CACNA2D1: variants seen among roughly 807,000 people sequenced by gnomAD.
CACNA2D1 encodes the protein voltage-dependent calcium channel subunit alpha-2/delta-1.
In CACNA2D1, 53 loss-of-function variants were observed where a neutral mutation model predicts 171.5. The observed-to-expected ratio is 0.31, with a 90% CI of 0.25 to 0.39. The LOEUF is 0.39. Among genes scored for constraint, CACNA2D1 ranks in the 10% least tolerant of loss-of-function variants. CACNA2D1 has a pLI of 1.00. For missense variants in CACNA2D1, 903 were observed against 1,299.8 expected, an observed-to-expected ratio of 0.69 and a Z score of 4.69; for synonymous variants, 442 against 443.1, an observed-to-expected ratio of 1.00 and a Z score of 0.03.
chr7:82,352,428 T>C (rs1819952031), intron 1 of CACNA2D1, among the ~76,000 whole-genome samples: 1 of 152,188 alleles, frequency 6.6e-6, no homozygotes, highest in African/African-American at 2.4e-5. Flanking sequence ...ATTAAATTTA[T>C]CCAGAAGACA....
intron 3 of CACNA2D1, among the ~76,000 whole-genome samples, chr7:82,197,339 T>C (rs6964888): frequency 0.079 from 12,066 of 152,084 alleles, 1,062 homozygotes; most frequent in East Asian, 0.21. Context: ...TCTGATGTTT[T>C]AAGCACTCCA....
chr7:82,060,301 TAAGATAGTC>T (rs1440025162), intron 10 of CACNA2D1, 118 bp downstream of exon 10: 76 of 569,646 alleles, frequency 1.3e-4, no homozygotes, highest in Non-Finnish European at 2.1e-4. Context: ...GACAGGTCAG[TAAGATAGTC>T]TTGCAATATA....
chr7:82,017,763 A>T (rs1046071946), intron 12 of CACNA2D1, among the ~76,000 whole-genome samples: 1 of 152,152 alleles, frequency 6.6e-6, no homozygotes, highest in Admixed American at 6.6e-5. Flanking sequence ...TTTTAAGCAC[A>T]TTTGCATGAT....
chr7:82,042,419 A>C (rs1258546224), intron 10 of CACNA2D1, among the ~76,000 whole-genome samples: 2 of 152,198 alleles, frequency 1.3e-5, no homozygotes, highest in Non-Finnish European at 2.9e-5. Flanking sequence ...GCGAGTGAAA[A>C]GAGATTGAAG....
intron 3 of CACNA2D1, among the ~76,000 whole-genome samples, chr7:82,286,455 T>C (rs1476909771): frequency 6.6e-6 from 1 of 152,200 alleles, no homozygotes; most frequent in Non-Finnish European, 1.5e-5. Flanking sequence ...TTAAAACTCA[T>C]TGAAATGGAC....
chr7:82,429,553 C>T (rs993559507), intron 1 of CACNA2D1, among the ~76,000 whole-genome samples: 1 of 152,124 alleles, frequency 6.6e-6, no homozygotes, highest in African/African-American at 2.4e-5. Context: ...TCAAATGGCT[C>T]CTCTGTCACA....
At chr7:82,195,678 C>G (rs1798781430) in intron 3 of CACNA2D1, among the ~76,000 whole-genome samples, 1 of 148,396 alleles carries the variant, frequency 6.7e-6, no homozygotes, top group East Asian at 2.1e-4. Context: ...AAAAAACCCT[C>G]TGGCCTAACA....
chr7:82,145,501 A>T (rs1792907003), intron 4 of CACNA2D1, among the ~76,000 whole-genome samples: 1 of 144,178 alleles, frequency 6.9e-6, no homozygotes, highest in Non-Finnish European at 1.5e-5. Context: ...TAGATACAGA[A>T]TGTGTGTATG....
chr7:81,978,580 G>T (rs898647793), intron 24 of CACNA2D1, among the ~76,000 whole-genome samples: 4 of 151,774 alleles, frequency 2.6e-5, no homozygotes, highest in African/African-American at 9.7e-5. Flanking sequence ...GGGCCTGTTG[G>T]GGGGCAAGGG....
At chr7:82,291,683 T>G (rs955545570) in intron 3 of CACNA2D1, among the ~76,000 whole-genome samples, 1 of 148,920 alleles carries the variant, frequency 6.7e-6, no homozygotes, top group African/African-American at 2.5e-5. Context: ...TTTTTTTCTT[T>G]TTGTAGAGAC....
rs1364609504 is a variant in CACNA2D1, at chr7:81,946,699, T to C, written c.*3693A>G. ...AATAAAAGTATTCCTAAAAGCATGA[T>C]CCGACACTCATACAACACAACAAAA... On this transcript the variant is annotated 3_prime_UTR_variant, in exon 39 of 39. Transcript: ENST00000356860. 1 of 152,064 alleles carries C rather than the reference T, an allele frequency of 6.6e-6. No individual in the cohort carries two copies. The highest frequency in any genetic ancestry group is 1.9e-4 in the East Asian group (1 of 5,180). 9.4% of individuals were successfully genotyped at this position (152,064 alleles called of 1,614,324 possible).
Position 82,263,102 on chromosome 7 carries a change from C to CTTTTTTTT in CACNA2D1, c.294+72025_294+72032dup, listed in dbSNP as rs759968270. Among the ~76,000 whole-genome samples, 5 of 107,992 alleles carry CTTTTTTTT rather than the reference C, an allele frequency of 4.6e-5. 1 individual carries two copies. The highest frequency in any genetic ancestry group is 5.3e-5 in the Non-Finnish European group (3 of 56,248). 70.8% of individuals were successfully genotyped at this position (107,992 alleles called of 152,430 possible). A position where few individuals can be genotyped will look rare whatever the true frequency, so the allele number is the denominator to read the frequency against. ...AAGGCTCCTATGTCACATAACACCA[C>CTTTTTTTT]TTTTTTTTTTTTTTTTTTTTGAGAC... On this transcript the variant is annotated intron_variant, in intron 3 of 38. Coordinates refer to ENST00000356860, the MANE Select transcript of CACNA2D1 (RefSeq NM_000722.4).
chr7:82,237,350 T>C (rs921362872), intron 3 of CACNA2D1, among the ~76,000 whole-genome samples: 2 of 151,952 alleles, frequency 1.3e-5, no homozygotes, highest in Admixed American at 6.6e-5. Context: ...AAATTTTTAC[T>C]GAACATAAGG....
chr7:82,150,907 T>C (rs1793790116), intron 4 of CACNA2D1, among the ~76,000 whole-genome samples: 1 of 152,126 alleles, frequency 6.6e-6, no homozygotes, highest in South Asian at 2.1e-4. Context: ...TTGAATAATA[T>C]ATAATTGCTT....
chr7:82,088,938 G>A (rs529266085), intron 6 of CACNA2D1, among the ~76,000 whole-genome samples: 6 of 151,644 alleles, frequency 4.0e-5, no homozygotes, highest in South Asian at 2.1e-4. Flanking sequence ...CCTAGATCAC[G>A]CACATGTGCC....
intron 11 of CACNA2D1, among the ~76,000 whole-genome samples, chr7:82,037,723 T>C (rs1264158330): frequency 1.3e-5 from 2 of 152,178 alleles, no homozygotes; most frequent in Non-Finnish European, 2.9e-5. Context: ...TGATTGAAAG[T>C]GCAAGGTTAC....
intron 3 of CACNA2D1, among the ~76,000 whole-genome samples, chr7:82,209,182 A>G (rs1411078134): frequency 1.3e-5 from 2 of 152,152 alleles, no homozygotes; most frequent in Admixed American, 6.6e-5. Context: ...TTTCAACCAA[A>G]TATGTCTGGG....
intron 38 of CACNA2D1, among the ~76,000 whole-genome samples, chr7:81,953,337 T>C (rs191254772): frequency 6.6e-6 from 1 of 152,224 alleles, no homozygotes; most frequent in East Asian, 1.9e-4. Context: ...ACATTCTTTA[T>C]TGAGGTCTAC....
rs112467676 is a variant in CACNA2D1 at position 82,146,526 on chromosome 7, CTA to C, written c.355-9852_355-9851del. On this transcript the variant is annotated intron_variant, in intron 4 of 38. Coordinates refer to ENST00000356860, the MANE Select transcript of CACNA2D1 (RefSeq NM_000722.4). ...TATATAAAGATATATATCTTTATAT[CTA>C]TATATATATCTTTTACAGGTAAGAA... 6.6e-3 allele frequency among the ~76,000 whole-genome samples: 902 copies of C among 135,936 alleles called. 22 individuals are homozygous for C. Among genetic ancestry groups the C allele is most frequent in the African/African-American group, 0.023 (854 of 37,286 alleles). The allele number at this position is 135,936 out of a possible 152,430, so 89.2% of individuals were successfully genotyped here. A position where few individuals can be genotyped will look rare whatever the true frequency, so the allele number is the denominator to read the frequency against.
Sources: gnomAD v4.1 joint callset for allele counts (sites outside exome capture counted in the v4.1 genomes callset) on GRCh38, gnomAD v4.1.1 for gene constraint, MANE v1.5 for transcripts, NCBI Gene and HGNC (gene_info 2026-07-23, HGNC 2026-07-21) for gene names.